The following PDS5A variants were observed in gnomAD, a reference collection of about 807,000 sequenced individuals.
PDS5A encodes PDS5 cohesin associated factor A, also known as sister chromatid cohesion protein PDS5 homolog A.
In PDS5A, 42 loss-of-function variants were observed where a neutral mutation model predicts 167.1. The ratio of observed to expected loss-of-function variants is 0.25; its 90% confidence interval spans 0.20 to 0.33. PDS5A has a LOEUF of 0.33. Ranked by LOEUF, PDS5A falls within the 10% of genes least tolerant of loss-of-function variation. PDS5A has a pLI of 1.00. For missense variants in PDS5A, 1,033 were observed against 1,605.9 expected (o/e 0.64, Z 6.10); for synonymous variants, 553 against 554.6 (o/e 1.00, Z 0.04).
Position 39,841,980 on chromosome 4 carries a change from G to T in PDS5A, c.3625C>A (p.Pro1209Thr). Reference protein sequence around the residue: ...ENPVRIISVTPVKNIDPVKNK... With the variant: ...ENPVRIISVTTVKNIDPVKNK... ...TTTACTGGGTCAATATTCTTTACAGGTGTGACTGAAATAATCCTCACAGGG... is the reference window on the plus strand; with the variant it reads ...TTTACTGGGTCAATATTCTTTACAGTTGTGACTGAAATAATCCTCACAGGG... The change falls in exon 31 of 33, where the codon CCT (proline) becomes ACT (threonine). Residue 1209 changes from proline to threonine, a missense_variant. By Grantham distance (38) the Pro-to-Thr change is conservative (BLOSUM62 -1). Transcript: ENST00000303538. The T allele has an allele frequency of 2.5e-6, 4 of 1,598,976 alleles. No individual in the cohort carries two copies. Among genetic ancestry groups the T allele is most frequent in the Non-Finnish European group, 2.6e-6 (3 of 1,166,506 alleles).
chr4:39,956,952 C>T lies in PDS5A; in HGVS notation c.138+19488G>A, dbSNP rs186720594. On this transcript the variant is annotated intron_variant, in intron 2 of 32. Transcript: ENST00000303538. ...CCTCCCAAAGTGCTGGGATTACAGG[C>T]GTGAGCCACCTCACCCAGCCAAAAG... 6.9e-4 allele frequency among the ~76,000 whole-genome samples: 105 copies of T among 152,268 alleles called. 1 individual carries two copies. The East Asian group carries it at 0.019, about 27-fold the overall frequency.
At chr4:39,829,752 C>T (rs532022124) in intron 32 of PDS5A, among the ~76,000 whole-genome samples, 1 of 151,612 alleles carries the variant, frequency 6.6e-6, no homozygotes, top group Non-Finnish European at 1.5e-5. Flanking sequence ...GAGATCAAGA[C>T]CATCCTGGCT....
chr4:39,905,385 C>T (rs181152353), intron 11 of PDS5A, among the ~76,000 whole-genome samples: 5 of 151,586 alleles, frequency 3.3e-5, no homozygotes, highest in South Asian at 2.1e-4. Context: ...TGGTGAAACC[C>T]GGTCTCTACT....
chr4:39,825,298 C>T lies in PDS5A; in HGVS notation c.*187G>A. The T allele has an allele frequency of 2.2e-6, 1 of 453,888 alleles. No individual in the cohort carries two copies. The highest frequency in any genetic ancestry group is 3.9e-6 in the Non-Finnish European group (1 of 255,128). The allele number at this position is 453,888 out of a possible 1,614,324, so 28.1% of individuals were successfully genotyped here. Reference sequence around the variant, plus strand: ...CTCTCTCTCAAGAGTTTCTGCTGTACATTTCCATCAGAGGACTTGTGGTCA... The same window carrying T: ...CTCTCTCTCAAGAGTTTCTGCTGTATATTTCCATCAGAGGACTTGTGGTCA... On this transcript the variant is annotated 3_prime_UTR_variant, in exon 33 of 33. Transcript: ENST00000303538.
chr4:39,872,049 G>T (rs1467598210), intron 21 of PDS5A, among the ~76,000 whole-genome samples: 2 of 152,056 alleles, frequency 1.3e-5, no homozygotes, highest in African/African-American at 4.8e-5. Flanking sequence ...ATCATTTGGG[G>T]AGTCTTTTCA....
At chr4:39,874,234 T>A in intron 20 of PDS5A, 55 bp downstream of exon 20, 1 of 1,480,792 alleles carries the variant, frequency 6.8e-7, no homozygotes, top group Non-Finnish European at 9.3e-7. Flanking sequence ...TTCATCAAAC[T>A]ATAGAGCTTA....
At chr4:39,898,703 G>A in intron 15 of PDS5A, 74 bp downstream of exon 15, 1 of 978,134 alleles carries the variant, frequency 1.0e-6, no homozygotes, top group Non-Finnish European at 1.6e-6. Context: ...CATTAAATCA[G>A]TAGTCCCACT....
At chr4:39,889,235 A>C (rs1190518905) in intron 17 of PDS5A, among the ~76,000 whole-genome samples, 1 of 152,256 alleles carries the variant, frequency 6.6e-6, no homozygotes, top group Non-Finnish European at 1.5e-5. Context: ...AAGAGGACAC[A>C]GTGAGAAGGA....
intron 32 of PDS5A, among the ~76,000 whole-genome samples, chr4:39,833,185 C>A (rs1162451022): frequency 3.9e-5 from 3 of 77,648 alleles, no homozygotes; most frequent in African/African-American, 9.6e-5. Context: ...GAGTGAAACT[C>A]CGTCTCAAAA....
At chr4:39,874,533 T>G in intron 19 of PDS5A, 121 bp from the exon 20 acceptor site, 1 of 734,358 alleles carries the variant, frequency 1.4e-6, no homozygotes, top group Admixed American at 2.8e-5. Context: ...TCTTAAAAAT[T>G]ATCTGATCTA....
intron 2 of PDS5A, among the ~76,000 whole-genome samples, chr4:39,942,160 T>C (rs1424788571): frequency 1.3e-5 from 2 of 150,404 alleles, no homozygotes; most frequent in African/African-American, 2.5e-5. Flanking sequence ...TTTTATAATT[T>C]TGTTTGCCTT....
chr4:39,868,730 A>C (rs1327902864), intron 22 of PDS5A: 2 of 454,054 alleles, frequency 4.4e-6, no homozygotes, highest in Non-Finnish European at 8.8e-6. Flanking sequence ...TCTGCCTCCC[A>C]AAGTGCTGGG....
intron 8 of PDS5A, among the ~76,000 whole-genome samples, chr4:39,915,187 C>A (rs1724250186): frequency 6.7e-6 from 1 of 150,238 alleles, no homozygotes; most frequent in Non-Finnish European, 1.5e-5. Context: ...TACAGGTGTG[C>A]ATCACCACAC....
chr4:39,853,372 T>C (rs535049041), intron 26 of PDS5A, among the ~76,000 whole-genome samples: 2 of 152,372 alleles, frequency 1.3e-5, no homozygotes, highest in South Asian at 4.1e-4. Flanking sequence ...GATATAATTA[T>C]AAATTTAAAA....
At chr4:39,944,694 CA>C (rs373241104) in intron 2 of PDS5A, among the ~76,000 whole-genome samples, 60 of 86,056 alleles carry the variant, frequency 7.0e-4, no homozygotes, top group South Asian at 8.4e-4. Flanking sequence ...AACTCCATCT[CA>C]AAAAAAAAAA....
chr4:39,869,330 G>A (rs1719819762), intron 22 of PDS5A, 64 bp downstream of exon 22: 1 of 967,854 alleles, frequency 1.0e-6, no homozygotes, highest in Admixed American at 1.8e-5. Flanking sequence ...TTAAAGGTGA[G>A]GAAGATAACT....
chr4:39,917,371 A>G (rs1724490035), intron 7 of PDS5A, among the ~76,000 whole-genome samples, 183 bp from the exon 8 acceptor site: 1 of 152,194 alleles, frequency 6.6e-6, no homozygotes, highest in Non-Finnish European at 1.5e-5. Context: ...AGCAGAAGAA[A>G]TAATTTCCTA....
At chr4:39,865,150 G>A (rs988723922) in intron 23 of PDS5A, among the ~76,000 whole-genome samples, 3 of 151,802 alleles carry the variant, frequency 2.0e-5, no homozygotes, top group Non-Finnish European at 4.4e-5. Context: ...TTTCTGATTT[G>A]TAATGAAAAG....
chr4:39,935,936 A>G (rs943760851), intron 2 of PDS5A, among the ~76,000 whole-genome samples: 3 of 152,364 alleles, frequency 2.0e-5, no homozygotes, highest in Admixed American at 2.0e-4. Flanking sequence ...AGCTTTATTC[A>G]GCATATCACA....
Sources: gnomAD v4.1 joint callset for allele counts (sites outside exome capture counted in the v4.1 genomes callset) on GRCh38, gnomAD v4.1.1 for gene constraint, MANE v1.5 for transcripts, NCBI Gene and HGNC (gene_info 2026-07-23, HGNC 2026-07-21) for gene names.